SPNS3: variants seen among roughly 807,000 people sequenced by gnomAD.
SPNS3 encodes SPNS lysolipid transporter 3, sphingosine-1-phosphate (putative), also known as protein spinster homolog 3.
SPNS3 carries 51 observed loss-of-function variants against 54.4 expected under a neutral mutation model. The observed-to-expected ratio is 0.94, with a 90% CI of 0.75 to 1.18. The LOEUF is 1.18. Ranked by LOEUF, SPNS3 falls within the 50% of genes most tolerant of loss-of-function variation. The pLI, the probability that SPNS3 is intolerant of heterozygous loss-of-function variation, is 0.00. For missense variants in SPNS3, 669 were observed against 677.4 expected (o/e 0.99, Z 0.14); for synonymous variants, 309 against 294.7 (o/e 1.05, Z -0.50).
intron 6 of SPNS3, among the ~76,000 whole-genome samples, chr17:4,449,015 G>C (rs1346083668): frequency 3.3e-5 from 5 of 152,134 alleles, no homozygotes; most frequent in Non-Finnish European, 5.9e-5. Context: ...CTGCCAGGAA[G>C]GATCTGGAGG....
rs188947892 is a variant in SPNS3 at position 4,435,847 on chromosome 17, G to A, written c.199+1681G>A. Among the ~76,000 whole-genome samples the A allele has an allele frequency of 6.8e-3, 1,039 of 152,282 alleles. 9 individuals are homozygous for A. Among genetic ancestry groups the A allele is most frequent in the Non-Finnish European group, 0.012 (819 of 68,014 alleles). The stretch of plus-strand genomic sequence containing the variant: ...CTCGGGAGGCTGAGGCAGGACAGTC[G>A]CTTGAACCCGGGAGGCGGAGGTTGC... On this transcript the variant is annotated intron_variant, in intron 1 of 11. Coordinates refer to ENST00000355530, the MANE Select transcript of SPNS3 (RefSeq NM_182538.5).
intron 8 of SPNS3, among the ~76,000 whole-genome samples, chr17:4,456,990 C>T (rs1028932822): frequency 2.9e-4 from 44 of 152,208 alleles, no homozygotes; most frequent in African/African-American, 9.9e-4. Flanking sequence ...GCTGGGATTA[C>T]AGGCATGATC....
At chr17:4,457,856 G>A (rs899277204) in intron 8 of SPNS3, among the ~76,000 whole-genome samples, 2 of 152,164 alleles carry the variant, frequency 1.3e-5, no homozygotes, top group Non-Finnish European at 2.9e-5. Flanking sequence ...TCTTCTTTAG[G>A]CCTGCCCTGG....
intron 6 of SPNS3, among the ~76,000 whole-genome samples, chr17:4,448,596 A>G (rs1314359708): frequency 6.6e-6 from 1 of 152,198 alleles, no homozygotes; most frequent in Non-Finnish European, 1.5e-5. Context: ...CAGAGCCTCA[A>G]CGTCCTTTGT....
At chr17:4,435,802 C>A (rs62066152) in intron 1 of SPNS3, among the ~76,000 whole-genome samples, 4 of 151,290 alleles carry the variant, frequency 2.6e-5, no homozygotes, top group Non-Finnish European at 5.9e-5. Flanking sequence ...CGTGGTGGCT[C>A]ACGCCTGTAA....
intron 8 of SPNS3, among the ~76,000 whole-genome samples, chr17:4,471,778 C>T (rs1971860172): frequency 6.6e-6 from 1 of 151,228 alleles, no homozygotes; most frequent in South Asian, 2.1e-4. Flanking sequence ...AATTAATATT[C>T]TCACTGCATT....
chr17:4,453,065 T>C lies in SPNS3; in HGVS notation c.973T>C (p.Leu325=), dbSNP rs1367245171. 3.0e-5 allele frequency: 49 copies of C among 1,613,964 alleles called. No individual in the cohort carries two copies. The highest frequency in any genetic ancestry group is 4.1e-5 in the Non-Finnish European group (48 of 1,179,968). Residue 325 remains leucine, a synonymous_variant, in exon 8 of 12, where the codon TTG becomes CTG. Transcript: ENST00000355530. The stretch of plus-strand genomic sequence containing the variant: ...CATGACCGGCGTCATTGGGGTCATC[T>C]TGGGGGCAGAAGCTGCGAGGAGGTA... ...TIMTGVIGVI[L]GAEAARRYKK...
chr17:4,473,185 C>A (rs565396427), intron 8 of SPNS3, among the ~76,000 whole-genome samples: 32 of 152,226 alleles, frequency 2.1e-4, no homozygotes, highest in Non-Finnish European at 4.0e-4. Context: ...TGTGTGGGAA[C>A]TCAAGTCTGT....
chr17:4,452,036 G>A (rs1971181771), intron 7 of SPNS3, among the ~76,000 whole-genome samples: 1 of 151,976 alleles, frequency 6.6e-6, no homozygotes, highest in African/African-American at 2.4e-5. Context: ...GGAGGGTGAA[G>A]AAGTATATTC....
chr17:4,438,210 G>A (rs1378267698), intron 1 of SPNS3, among the ~76,000 whole-genome samples: 1 of 152,178 alleles, frequency 6.6e-6, no homozygotes, highest in Non-Finnish European at 1.5e-5. Flanking sequence ...CCACTTGGGG[G>A]CTTCTGCTCC....
intron 8 of SPNS3, among the ~76,000 whole-genome samples, chr17:4,458,030 G>C (rs868727025): frequency 1.3e-5 from 2 of 150,670 alleles, no homozygotes; most frequent in African/African-American, 2.4e-5. Flanking sequence ...CCTTGGCTCT[G>C]TCTGTGCCTC....
intron 2 of SPNS3, among the ~76,000 whole-genome samples, chr17:4,442,672 C>T (rs887550631): frequency 1.3e-5 from 2 of 152,190 alleles, no homozygotes; most frequent in East Asian, 3.8e-4. Context: ...TGACTTGGCC[C>T]TTACCACATG....
chr17:4,453,315 C>T (rs1971220178), intron 8 of SPNS3, 110 bp downstream of exon 8: 1 of 1,040,390 alleles, frequency 9.6e-7, no homozygotes, highest in African/African-American at 1.6e-5. Flanking sequence ...TTGATCACTC[C>T]TTCTGAGTAG....
At chr17:4,456,967 G>A (rs1433658185) in intron 8 of SPNS3, among the ~76,000 whole-genome samples, 3 of 152,002 alleles carry the variant, frequency 2.0e-5, no homozygotes, top group South Asian at 4.2e-4. Context: ...TGCCTACCTC[G>A]GCCTCCCAAG....
intron 8 of SPNS3, among the ~76,000 whole-genome samples, chr17:4,467,043 C>T (rs936248341): frequency 5.9e-5 from 9 of 151,996 alleles, no homozygotes; most frequent in Non-Finnish European, 1.0e-4. Context: ...GCAGTCCATG[C>T]GGAGGGCAGC....
At chr17:4,465,059 T>G (rs1971641276) in intron 8 of SPNS3, among the ~76,000 whole-genome samples, 1 of 152,234 alleles carries the variant, frequency 6.6e-6, no homozygotes, top group South Asian at 2.1e-4. Flanking sequence ...TGCTCACAAA[T>G]TTGCAGTTTG....
In SPNS3 at chr17:4,449,478, C is replaced by T. The variant is rs1450241067; in HGVS notation, c.923+91C>T. ...GGTTCTGAGCTCCAAAATTCAGTTTCTTGGGGTGGGGCATTTGGTGCTGTG... is the reference window on the plus strand; with the variant it reads ...GGTTCTGAGCTCCAAAATTCAGTTTTTTGGGGTGGGGCATTTGGTGCTGTG... On this transcript the variant is annotated intron_variant, in intron 7 of 11. Transcript: ENST00000355530. 6.4e-6 allele frequency: 9 copies of T among 1,406,442 alleles called. No homozygotes were observed. In the South Asian group the frequency reaches 8.8e-5, roughly 14 times the overall value. The allele number at this position is 1,406,442 out of a possible 1,614,324, so 87.1% of individuals were successfully genotyped here.
In SPNS3 at chr17:4,486,407, C is replaced by T. The variant is rs201896729; in HGVS notation, c.1279-5C>T. The T allele has an allele frequency of 3.2e-5, 52 of 1,601,758 alleles. No homozygotes were observed. The highest frequency in any genetic ancestry group is 2.0e-4 in the African/African-American group (15 of 74,612). On this transcript the variant is annotated splice_region_variant and splice_polypyrimidine_tract_variant and intron_variant, in intron 10 of 11. Coordinates refer to ENST00000355530, the MANE Select transcript of SPNS3 (RefSeq NM_182538.5). The surrounding 1 kb of genome is among the most constrained non-coding windows in gnomAD (Gnocchi z 5.5). ...CCTGGCAGACTCATCCCTTCTCCTC[C>T]GCAGATCTCTAGTGTCCTGCGGGCC...
rs2047233 is a variant in SPNS3, at chr17:4,446,887, T to C, written c.555-9T>C. The C allele has an allele frequency of 0.88, 1,412,104 of 1,613,602 alleles. 629,724 individuals carry two copies. The highest frequency in any genetic ancestry group is 0.98 in the African/African-American group (73,349 of 75,052). ...CTCACAGCCCATCGCCCCTGCCCCT[T>C]TGTTGCAGTGGTCTGGGCTACGTGC... On this transcript the variant is annotated splice_polypyrimidine_tract_variant and intron_variant, in intron 4 of 11. Transcript: ENST00000355530.
Sources: allele counts gnomAD v4.1 joint callset (sites outside exome capture counted in the v4.1 genomes callset), GRCh38; gene constraint gnomAD v4.1.1; non-coding constraint Gnocchi (gnomAD v3.1); transcripts MANE v1.5; gene names NCBI Gene and HGNC (gene_info 2026-07-23, HGNC 2026-07-21).